Variants in AQP7 observed in about 807,000 individuals in gnomAD.
The protein encoded by AQP7 is aquaporin-7.
A neutral mutation model predicts 26.1 loss-of-function variants in AQP7; 22 were observed. That is an observed-to-expected ratio of 0.84 (90% CI 0.60 to 1.20). The LOEUF (loss-of-function observed/expected upper bound fraction) is 1.20, where lower values mean the gene tolerates loss of function less well. Among genes scored for constraint, AQP7 ranks in the 50% most tolerant of loss-of-function variants. AQP7 has a pLI of 0.00. For missense variants in AQP7, 412 were observed against 457.5 expected, an observed-to-expected ratio of 0.90 and a Z score of 0.91; for synonymous variants, 167 against 181.7, an observed-to-expected ratio of 0.92 and a Z score of 0.65.
chr9:33,391,930 A>T (rs1311836851), intron 3 of AQP7, among the ~76,000 whole-genome samples: 1 of 152,178 alleles, frequency 6.6e-6, no homozygotes, highest in Non-Finnish European at 1.5e-5. Context: ...TGAGGACCTT[A>T]CCCTGGCTGG....
intron 2 of AQP7, among the ~76,000 whole-genome samples, chr9:33,398,460 T>C (rs1473364375): frequency 2.0e-5 from 3 of 151,718 alleles, no homozygotes; most frequent in African/African-American, 7.3e-5. Context: ...TCTCCACAGA[T>C]GGGTGGAGAA....
chr9:33,390,363 A>T (rs1825275534), intron 3 of AQP7, among the ~76,000 whole-genome samples: 1 of 152,128 alleles, frequency 6.6e-6, no homozygotes, highest in Non-Finnish European at 1.5e-5. Flanking sequence ...ATATGTGGAT[A>T]CATGGGTGGT....
chr9:33,387,216 C>T (rs1334179142), intron 3 of AQP7, 124 bp from the exon 4 acceptor site: 6 of 1,156,320 alleles, frequency 5.2e-6, no homozygotes, highest in Non-Finnish European at 7.4e-6. Context: ...CCTCGAAGAC[C>T]CGCTGCCACG....
chr9:33,397,363 T>C (rs1825931137), intron 2 of AQP7, among the ~76,000 whole-genome samples: 1 of 152,024 alleles, frequency 6.6e-6, no homozygotes, highest in African/African-American at 2.4e-5. Context: ...AGGACTGTCT[T>C]TGGGCTGCTG....
chr9:33,387,828 G>A (rs75880049), intron 3 of AQP7, among the ~76,000 whole-genome samples: 19 of 152,014 alleles, frequency 1.2e-4, no homozygotes, highest in South Asian at 8.3e-4. Flanking sequence ...CCCACTGATC[G>A]GCTCCCACAC....
At chr9:33,397,792 G>T (rs62544583) in intron 2 of AQP7, among the ~76,000 whole-genome samples, 41,173 of 151,938 alleles carry the variant, frequency 0.27, 5,722 homozygotes, top group South Asian at 0.34. Flanking sequence ...GGAGAGAGAA[G>T]TGGATAGAGC....
intron 2 of AQP7, among the ~76,000 whole-genome samples, chr9:33,398,537 G>A (rs903328442): frequency 8.5e-5 from 13 of 152,254 alleles, no homozygotes; most frequent in Non-Finnish European, 1.6e-4. Flanking sequence ...AAGCTGACAG[G>A]CTTGGTGTTT....
Position 33,384,783 on chromosome 9 carries a change from G to T in AQP7, c.*222C>A. 3 of 560,686 alleles carry T rather than the reference G, an allele frequency of 5.4e-6. No individual in the cohort carries two copies. The highest frequency in any genetic ancestry group is 6.2e-6 in the Non-Finnish European group (2 of 321,470). The allele number at this position is 560,686 out of a possible 1,614,324, so 34.7% of individuals were successfully genotyped here. On this transcript the variant is annotated 3_prime_UTR_variant, in exon 8 of 8. Transcript: ENST00000297988. ...TCACCCTGTTCCTACTGAGGGCGCA[G>T]GTCATCTCTTCCCCATTCTCCCCCT...
rs766372675 is a variant in AQP7, at chr9:33,386,144, G to A, written c.458C>T (p.Ala153Val). 1 of 1,613,858 alleles carries A rather than the reference G, an allele frequency of 6.2e-7. No homozygotes were observed. The highest frequency in any genetic ancestry group is 1.3e-5 in the African/African-American group (1 of 74,924). Reference protein sequence around the residue: ...GGQLMVTGPVATAGIFATYLP... With the variant: ...GGQLMVTGPVVTAGIFATYLP... ...GTAGGTGGCAAAAATGCCAGCTGTA[G>A]CGACGGGACCGGTCACCATCAGCTG... The change falls in exon 6 of 8, where the codon GCT becomes GTT. Residue 153 changes from alanine (A) to valine (V), a missense_variant. Transcript: ENST00000297988.
Position 33,387,080 on chromosome 9 carries a change from C to A in AQP7, c.157G>T (p.Gly53Cys), listed in dbSNP as rs750945114. The A allele has an allele frequency of 3.1e-6, 5 of 1,611,906 alleles. No individual in the cohort carries two copies. The highest frequency in any genetic ancestry group is 4.2e-6 in the Non-Finnish European group (5 of 1,179,768). Residue 53 changes from glycine (G) to cysteine (C), a missense_variant, in exon 4 of 8, where the codon GGT (glycine) becomes TGT (cysteine). Physicochemically the swap from Gly to Cys is radical, Grantham distance 159. Transcript: ENST00000297988. ...TTTAGAACCATATGGGCCACGGAAC[C>A]AAGGCCGAATACCTACAAGGGAGGG... ...STYVMMVFGL[G>C]SVAHMVLNKK...
intron 3 of AQP7, among the ~76,000 whole-genome samples, chr9:33,392,781 G>T (rs573023856): frequency 1.2e-4 from 19 of 152,298 alleles, no homozygotes; most frequent in Middle Eastern, 3.4e-3. Context: ...GCAAAGGAGG[G>T]CTAGAGGCAG....
intron 3 of AQP7, among the ~76,000 whole-genome samples, chr9:33,389,091 G>A (rs1040559182): frequency 1.4e-5 from 2 of 147,798 alleles, no homozygotes; most frequent in Non-Finnish European, 3.0e-5. Context: ...GCAATGGCAC[G>A]ATCTCTACTC....
At chr9:33,401,204 G>A (rs1016750836) in intron 2 of AQP7, 33 bp downstream of exon 2, 3 of 1,548,354 alleles carry the variant, frequency 1.9e-6, no homozygotes, top group Non-Finnish European at 1.7e-6. Flanking sequence ...AAGGACAGGG[G>A]GCTGGAGGGT....
chr9:33,385,324 C>T, intron 7 of AQP7, 34 bp from the exon 8 acceptor site: 1 of 1,589,178 alleles, frequency 6.3e-7, no homozygotes, highest in Non-Finnish European at 8.6e-7. Context: ...GCTGAGGGGG[C>T]TGATGCCCAG....
In AQP7 at chr9:33,401,294, A is replaced by G; in HGVS notation, c.-25-7T>C. ...TCTTTCAGATTTGTAGATGCTGAGG[A>G]GCCAAAGAGAGGTCACTAGGGCTGG... On this transcript the variant is annotated splice_region_variant and splice_polypyrimidine_tract_variant and intron_variant, in intron 1 of 7. Coordinates refer to ENST00000297988, the MANE Select transcript of AQP7 (RefSeq NM_001170.3). The G allele has an allele frequency of 6.5e-7, 1 of 1,548,516 alleles. No homozygotes were observed. The highest frequency in any genetic ancestry group is 8.7e-7 in the Non-Finnish European group (1 of 1,146,202).
chr9:33,390,306 G>A (rs1169298314), intron 3 of AQP7, among the ~76,000 whole-genome samples: 7 of 152,018 alleles, frequency 4.6e-5, no homozygotes, highest in Non-Finnish European at 2.9e-5. Flanking sequence ...GTGCAGAAGT[G>A]GAGGGGTCCT....
chr9:33,385,518 C>T, intron 7 of AQP7, 131 bp downstream of exon 7: 1 of 1,197,370 alleles, frequency 8.4e-7, no homozygotes. Context: ...TTGGGACTCA[C>T]TCCTGCTCCC....
chr9:33,396,095 A>G (rs1825825872), intron 2 of AQP7, among the ~76,000 whole-genome samples: 1 of 151,994 alleles, frequency 6.6e-6, no homozygotes, highest in Non-Finnish European at 1.5e-5. Context: ...AGAGAGAGGT[A>G]TAGGACTGGA....
intron 3 of AQP7, among the ~76,000 whole-genome samples, chr9:33,388,115 C>T (rs1287354664): frequency 6.6e-6 from 1 of 152,180 alleles, no homozygotes; most frequent in Admixed American, 6.5e-5. Context: ...CTCAGCTATG[C>T]CTGATGCGCT....
Sources: gnomAD v4.1 joint callset for allele counts (sites outside exome capture counted in the v4.1 genomes callset) on GRCh38, gnomAD v4.1.1 for gene constraint, MANE v1.5 for transcripts, NCBI Gene and HGNC (gene_info 2026-07-23, HGNC 2026-07-21) for gene names.